STX7: variants seen among roughly 807,000 people sequenced by gnomAD.
STX7 encodes syntaxin 7, also known as syntaxin-7.
A neutral mutation model predicts 39.6 loss-of-function variants in STX7; 34 were observed. The ratio of observed to expected loss-of-function variants is 0.86; its 90% CI spans 0.65 to 1.14. The LOEUF is 1.14. Among genes scored for constraint, STX7 ranks in the 50% most tolerant of loss-of-function variants. STX7 has a pLI of 0.00. For synonymous variants in STX7, 119 were observed against 99.1 expected (o/e 1.20, Z -1.19); for missense variants, 284 against 310.4 (o/e 0.92, Z 0.64).
intron 2 of STX7, among the ~76,000 whole-genome samples, chr6:132,483,481 T>G (rs781632385): frequency 6.6e-6 from 1 of 152,330 alleles, no homozygotes; most frequent in African/African-American, 2.4e-5. Context: ...AACATGCATG[T>G]ACACTGAGTT....
At chr6:132,461,314 CT>C (rs200662714) in intron 9 of STX7, among the ~76,000 whole-genome samples, 3,733 of 148,976 alleles carry the variant, frequency 0.025, 101 homozygotes, top group African/African-American at 0.065. Flanking sequence ...TATTTCTTTT[CT>C]TTTTTTTTTG....
chr6:132,479,094 G>C (rs906204377), intron 2 of STX7, among the ~76,000 whole-genome samples: 20 of 152,190 alleles, frequency 1.3e-4, no homozygotes, highest in African/African-American at 4.8e-4. Context: ...TGTTTCCTCA[G>C]TGAAAAATCT....
rs1774696390 is a variant in STX7, at chr6:132,470,778, G to C, written c.388-152C>G. On this transcript the variant is annotated intron_variant, in intron 5 of 9. Transcript: ENST00000367941. ...GTGTGTGTGTAGAGACAGAGAGAAA[G>C]AAGTTCTTGTTCTAATTTTTCAGGT... 4 of 405,708 alleles carry C rather than the reference G, an allele frequency of 9.9e-6. No individual in the cohort carries two copies. In the South Asian group the frequency reaches 2.9e-4, roughly 30 times the overall value. The allele number at this position is 405,708 out of a possible 1,614,324, so 25.1% of individuals were successfully genotyped here.
chr6:132,489,914 C>T (rs1415753728), intron 2 of STX7, among the ~76,000 whole-genome samples: 3 of 152,140 alleles, frequency 2.0e-5, no homozygotes, highest in African/African-American at 7.2e-5. Context: ...AATCTGAGGG[C>T]ACAGTTCTTA....
chr6:132,498,189 A>G (rs1775462902), intron 2 of STX7, among the ~76,000 whole-genome samples: 4 of 152,212 alleles, frequency 2.6e-5, no homozygotes, highest in Admixed American at 2.0e-4. Flanking sequence ...AGCCTGTAAT[A>G]AAGTCATAGT....
chr6:132,511,761 T>C (rs2114495637), intron 1 of STX7, among the ~76,000 whole-genome samples: 1 of 152,330 alleles, frequency 6.6e-6, no homozygotes, highest in Non-Finnish European at 1.5e-5. Context: ...CTTTCACACA[T>C]GAAACTTGCA....
chr6:132,489,574 A>G (rs1346048722), intron 2 of STX7, among the ~76,000 whole-genome samples: 4 of 152,182 alleles, frequency 2.6e-5, no homozygotes, highest in Non-Finnish European at 5.9e-5. Flanking sequence ...CTTTGTGAGC[A>G]AAAGCACTGA....
intron 3 of STX7, among the ~76,000 whole-genome samples, chr6:132,472,635 T>A (rs1447019131): frequency 1.3e-5 from 2 of 152,198 alleles, no homozygotes; most frequent in African/African-American, 4.8e-5. Context: ...GAAACACAGA[T>A]GACTTGAATC....
intron 1 of STX7, among the ~76,000 whole-genome samples, chr6:132,510,134 G>C (rs4463280): frequency 0.2 from 30,465 of 152,164 alleles, 3,420 homozygotes; most frequent in East Asian, 0.52. Context: ...AATACAGCTA[G>C]GTAGGAGGAA....
Position 132,509,458 on chromosome 6 carries a change from A to C in STX7, c.-59+3549T>G, listed in dbSNP as rs1775786084. ...AGAGCGAGACTCGTCTCAAAATAAC[A>C]TAACATAACATAACATAACATAACA... On this transcript the variant is annotated intron_variant, in intron 1 of 9. Coordinates refer to ENST00000367941, the MANE Select transcript of STX7 (RefSeq NM_003569.3). Among the ~76,000 whole-genome samples the C allele has an allele frequency of 2.0e-3, 262 of 128,766 alleles. 3 individuals carry two copies. Among genetic ancestry groups the C allele is most frequent in the Admixed American group, 0.011 (140 of 12,708 alleles). 84.5% of individuals were successfully genotyped at this position (128,766 alleles called of 152,430 possible). A position where few individuals can be genotyped will look rare whatever the true frequency, so the allele number is the denominator to read the frequency against.
rs774152134 is a variant in STX7, at chr6:132,449,765, G to A, written c.*10993C>T. On this transcript the variant is annotated 3_prime_UTR_variant, in exon 10 of 10. Coordinates refer to ENST00000367941, the MANE Select transcript of STX7 (RefSeq NM_003569.3). ...TTAACACATCTCTCATTTCATGTTC[G>A]TTTTAATTCATACATTATTTAAACA... 2 of 152,130 alleles carry A rather than the reference G, an allele frequency of 1.3e-5. No individual in the cohort carries two copies. Among genetic ancestry groups the A allele is most frequent in the South Asian group, 2.1e-4 (1 of 4,810 alleles). The allele number at this position is 152,130 out of a possible 1,614,324, so 9.4% of individuals were successfully genotyped here. A position where few individuals can be genotyped will look rare whatever the true frequency, so the allele number is the denominator to read the frequency against.
intron 2 of STX7, 133 bp downstream of exon 2, chr6:132,503,313 G>C (rs118170658): frequency 4.5e-6 from 3 of 660,988 alleles, no homozygotes; most frequent in Middle Eastern, 3.1e-4. Flanking sequence ...TAAAGAGTTC[G>C]AGCCCTTTAA....
intron 3 of STX7, among the ~76,000 whole-genome samples, chr6:132,473,520 G>GTTTTTT (rs398066285): frequency 7.3e-6 from 1 of 136,294 alleles, no homozygotes; most frequent in African/African-American, 2.7e-5. Context: ...TTATTGTGTT[G>GTTTTTT]TTTTTTTTTT....
intron 8 of STX7, among the ~76,000 whole-genome samples, chr6:132,465,188 C>T (rs1366310747): frequency 6.6e-6 from 1 of 152,192 alleles, no homozygotes; most frequent in African/African-American, 2.4e-5. Context: ...CACCTTTCCT[C>T]ACCCACCCAT....
chr6:132,507,646 T>C (rs904572696), intron 1 of STX7, among the ~76,000 whole-genome samples: 1 of 128,540 alleles, frequency 7.8e-6, no homozygotes, highest in Non-Finnish European at 1.6e-5. Context: ...CCTTCATTCC[T>C]TCATTATTGC....
At position 132,446,970 on chromosome 6, in the gene STX7, T is replaced by G. The variant is rs1024396464; in HGVS notation, c.*13788A>C. 1.3e-5 allele frequency: 2 copies of G among 152,204 alleles called. No individual in the cohort carries two copies. The highest frequency in any genetic ancestry group is 2.9e-5 in the Non-Finnish European group (2 of 68,030). 9.4% of individuals were successfully genotyped at this position (152,204 alleles called of 1,614,324 possible). On this transcript the variant is annotated 3_prime_UTR_variant, in exon 10 of 10. Coordinates refer to ENST00000367941, the MANE Select transcript of STX7 (RefSeq NM_003569.3). ...AGAAGGCCTAGGAGCCATGAATAAC[T>G]GCCGAGGGTACCATAGACACTGGGT...
Position 132,452,541 on chromosome 6 carries a change from T to C in STX7, c.*8217A>G, listed in dbSNP as rs1442295699. On this transcript the variant is annotated 3_prime_UTR_variant, in exon 10 of 10. Transcript: ENST00000367941. Reference sequence around the variant, plus strand: ...ATGAGTAAGTGGGCTCAATAAGGTCTCAGTATACAAAATAGAAAAATTCAC... The same window carrying C: ...ATGAGTAAGTGGGCTCAATAAGGTCCCAGTATACAAAATAGAAAAATTCAC... 1 of 152,098 alleles carries C rather than the reference T, an allele frequency of 6.6e-6. No individual in the cohort carries two copies. Among genetic ancestry groups the C allele is most frequent in the Non-Finnish European group, 1.5e-5 (1 of 67,960 alleles). 9.4% of individuals were successfully genotyped at this position (152,098 alleles called of 1,614,324 possible). A position where few individuals can be genotyped will look rare whatever the true frequency, so the allele number is the denominator to read the frequency against.
At position 132,459,081 on chromosome 6, in the gene STX7, C is replaced by T. The variant is rs183345640; in HGVS notation, c.*1677G>A. On this transcript the variant is annotated 3_prime_UTR_variant, in exon 10 of 10. Coordinates refer to ENST00000367941, the MANE Select transcript of STX7 (RefSeq NM_003569.3). The stretch of plus-strand genomic sequence containing the variant: ...GTTTATCACCAGAAACCTCATGTGC[C>T]TCTGTGCACTTGAAGTAAAGACCAC... 4 of 152,274 alleles carry T rather than the reference C, an allele frequency of 2.6e-5. No individual in the cohort carries two copies. The East Asian group carries it at 7.7e-4, about 29-fold the overall frequency. The allele number at this position is 152,274 out of a possible 1,614,324, so 9.4% of individuals were successfully genotyped here. A position where few individuals can be genotyped will look rare whatever the true frequency, so the allele number is the denominator to read the frequency against.
At chr6:132,504,353 G>A (rs1333378310) in intron 1 of STX7, among the ~76,000 whole-genome samples, 2 of 152,142 alleles carry the variant, frequency 1.3e-5, no homozygotes, top group African/African-American at 4.8e-5. Context: ...TCAGCAGCCA[G>A]CATCTCAGAA....
Sources: allele counts gnomAD v4.1 joint callset (sites outside exome capture counted in the v4.1 genomes callset), GRCh38; gene constraint gnomAD v4.1.1; transcripts MANE v1.5; gene names NCBI Gene and HGNC (gene_info 2026-07-23, HGNC 2026-07-21).